Variants in ACBD5 observed in about 807,000 individuals in gnomAD.
The protein encoded by ACBD5 is acyl-CoA binding domain containing 5, also known as acyl-CoA-binding domain-containing protein 5.
A neutral mutation model predicts 71.8 loss-of-function variants in ACBD5; 40 were observed. The ratio of observed to expected loss-of-function variants is 0.56; its 90% CI spans 0.43 to 0.72. ACBD5 has a LOEUF of 0.72. ACBD5 is among the 30% of genes least tolerant of loss of function. ACBD5 has a pLI of 0.00. For synonymous variants in ACBD5, 229 were observed against 218.6 expected, an observed-to-expected ratio of 1.05 and a Z score of -0.42; for missense variants, 559 against 644.5, an observed-to-expected ratio of 0.87 and a Z score of 1.44.
chr10:27,214,741 C>A (rs2061444705), intron 8 of ACBD5, among the ~76,000 whole-genome samples: 1 of 152,084 alleles, frequency 6.6e-6, no homozygotes, highest in South Asian at 2.1e-4. Flanking sequence ...GGAGAACAGA[C>A]TTATTTGTTT....
chr10:27,235,307 T>G, intron 2 of ACBD5, 95 bp from the exon 3 acceptor site: 1 of 1,403,594 alleles, frequency 7.1e-7, no homozygotes, highest in Non-Finnish European at 1.0e-6. Context: ...TGATTTTATA[T>G]TGCATTAATA....
At chr10:27,231,646 A>G (rs1165032661) in intron 4 of ACBD5, 102 bp downstream of exon 4, 1 of 947,008 alleles carries the variant, frequency 1.1e-6, no homozygotes, top group Non-Finnish European at 1.7e-6. Context: ...ATTGTATAAC[A>G]TACTACAATC....
intron 4 of ACBD5, among the ~76,000 whole-genome samples, chr10:27,230,772 G>A (rs897039210): frequency 4.7e-5 from 6 of 128,140 alleles, no homozygotes; most frequent in South Asian, 2.6e-4. Flanking sequence ...ACTCCAGCCC[G>A]GGTAACAGAG....
intron 4 of ACBD5, among the ~76,000 whole-genome samples, chr10:27,227,684 T>C (rs1300528106): frequency 1.3e-5 from 2 of 152,178 alleles, no homozygotes; most frequent in African/African-American, 4.8e-5. Flanking sequence ...CCCTCTGCCA[T>C]GGCAACTTTC....
chr10:27,230,995 T>A (rs1285563928), intron 4 of ACBD5, among the ~76,000 whole-genome samples: 1 of 152,080 alleles, frequency 6.6e-6, no homozygotes, highest in Non-Finnish European at 1.5e-5. Flanking sequence ...CACAGAAAAA[T>A]GTGACTTCTT....
downstream of ACBD5, among the ~76,000 whole-genome samples, chr10:27,191,611 C>T (rs1184899873): frequency 3.9e-5 from 6 of 152,252 alleles, no homozygotes; most frequent in South Asian, 2.1e-4. Context: ...TGGCCAGATG[C>T]GGTGGCTCAC....
intron 6 of ACBD5, 96 bp downstream of exon 6, chr10:27,219,627 T>G: frequency 6.6e-7 from 1 of 1,523,400 alleles, no homozygotes. Flanking sequence ...TCCCACCACC[T>G]GCTTTAATCT....
At chr10:27,206,762 C>T (rs1473663048) in intron 10 of ACBD5, among the ~76,000 whole-genome samples, 1 of 151,602 alleles carries the variant, frequency 6.6e-6, no homozygotes, top group Non-Finnish European at 1.5e-5. Flanking sequence ...GTGATCCACT[C>T]GCCTCGGCCT....
chr10:27,192,574 C>T (rs577241912), downstream of ACBD5, among the ~76,000 whole-genome samples: 8 of 152,108 alleles, frequency 5.3e-5, no homozygotes, highest in Non-Finnish European at 1.0e-4. Flanking sequence ...GGAGGAAGAG[C>T]GCTCCAAGGG....
intron 9 of ACBD5, 58 bp downstream of exon 9, chr10:27,210,756 T>C: frequency 6.2e-7 from 1 of 1,611,882 alleles, no homozygotes; most frequent in African/African-American, 1.3e-5. Context: ...CGAGACTCCA[T>C]CTCAAAAATA....
At chr10:27,205,648 C>T (rs920900981) in intron 10 of ACBD5, among the ~76,000 whole-genome samples, 1 of 151,598 alleles carries the variant, frequency 6.6e-6, no homozygotes, top group Non-Finnish European at 1.5e-5. Flanking sequence ...GCAACCGCTG[C>T]CTCACAATTA....
At chr10:27,228,297 C>T (rs1370726603) in intron 4 of ACBD5, among the ~76,000 whole-genome samples, 1 of 147,938 alleles carries the variant, frequency 6.8e-6, no homozygotes, top group Non-Finnish European at 1.5e-5. Context: ...GAATTTTGGC[C>T]GGGCGTGGTG....
intron 9 of ACBD5, among the ~76,000 whole-genome samples, chr10:27,208,743 CAGG>C (rs1184643676): frequency 6.6e-6 from 1 of 152,216 alleles, no homozygotes. Flanking sequence ...GAGCCTGAGG[CAGG>C]AGAATTGTTT....
At chr10:27,193,008 A>C (rs1263766023), downstream of ACBD5, among the ~76,000 whole-genome samples, 2 of 151,904 alleles carry the variant, frequency 1.3e-5, no homozygotes, top group Non-Finnish European at 2.9e-5. Context: ...CATGTTAAAG[A>C]ATTGAAACAA....
At chr10:27,203,874 T>C (rs1442520926) in intron 12 of ACBD5, among the ~76,000 whole-genome samples, 2 of 152,168 alleles carry the variant, frequency 1.3e-5, no homozygotes, top group Non-Finnish European at 2.9e-5. Flanking sequence ...TTTGCTCAAG[T>C]AATCCTCCTG....
rs557091048 is a variant in ACBD5 at position 27,240,498 on chromosome 10, C to T, written c.16-14G>A. On this transcript the variant is annotated splice_polypyrimidine_tract_variant and intron_variant, in intron 1 of 12. Coordinates refer to ENST00000396271, the MANE Select transcript of ACBD5 (RefSeq NM_145698.5). This position sits in a 1 kb window ranked among gnomAD's most constrained non-coding sequence, Gnocchi z 4.1. ...GCCTGCATGAAACTGGAACATGGAG[C>T]GCAGCCGCGGATCAACATGCCCCAA... 6 of 1,593,642 alleles carry T rather than the reference C, an allele frequency of 3.8e-6. No individual in the cohort carries two copies. In the South Asian group the frequency reaches 6.7e-5, roughly 18 times the overall value.
At chr10:27,190,869 A>G (rs552382316), downstream of ACBD5, among the ~76,000 whole-genome samples, 5 of 152,284 alleles carry the variant, frequency 3.3e-5, no homozygotes, top group South Asian at 1.0e-3. Flanking sequence ...GAGAGAATGG[A>G]AGAGCCACAT....
chr10:27,204,255 C>A (rs1185942732), intron 12 of ACBD5, among the ~76,000 whole-genome samples, 185 bp downstream of exon 12: 1 of 146,336 alleles, frequency 6.8e-6, no homozygotes, highest in African/African-American at 2.5e-5. Context: ...TTAAGTCTAA[C>A]AAGTACCTAG....
rs757151217 is a variant in ACBD5, at chr10:27,240,525, A to C, written c.16-41T>G. On this transcript the variant is annotated intron_variant, in intron 1 of 12. Transcript: ENST00000396271. This position sits in a 1 kb window ranked among gnomAD's most constrained non-coding sequence, Gnocchi z 4.1. ...CAGCCGCGGATCAACATGCCCCAAA[A>C]GGAGGAGGCCCGGGAGCGAAGCGGG... is the stretch of plus-strand genomic sequence containing the variant. The C allele has an allele frequency of 1.9e-6, 3 of 1,565,182 alleles. No homozygotes were observed. The highest frequency in any genetic ancestry group is 2.6e-6 in the Non-Finnish European group (3 of 1,153,774).
Sources: allele counts gnomAD v4.1 joint callset (sites outside exome capture counted in the v4.1 genomes callset), GRCh38; gene constraint gnomAD v4.1.1; non-coding constraint Gnocchi (gnomAD v3.1); transcripts MANE v1.5; gene names NCBI Gene and HGNC (gene_info 2026-07-23, HGNC 2026-07-21).